BTBD7: variants seen among roughly 807,000 people sequenced by gnomAD.
BTBD7 encodes BTB domain containing 7.
In BTBD7, 38 loss-of-function variants were observed where a neutral mutation model predicts 99.9. That is an observed-to-expected ratio of 0.38 (90% CI 0.29 to 0.50). The LOEUF (loss-of-function observed/expected upper bound fraction) is 0.50, where lower values mean the gene tolerates loss of function less well. Among genes scored for constraint, BTBD7 ranks in the 20% least tolerant of loss-of-function variants. The pLI, the probability that BTBD7 is intolerant of heterozygous loss-of-function variation, is 0.93. For missense variants in BTBD7, 1,170 were observed against 1,394.6 expected (o/e 0.84, Z 2.57); for synonymous variants, 520 against 511.4 (o/e 1.02, Z -0.23).
At chr14:93,292,928 C>T (rs376651005) in intron 3 of BTBD7, among the ~76,000 whole-genome samples, 32 of 152,156 alleles carry the variant, frequency 2.1e-4, no homozygotes, top group African/African-American at 5.8e-4. Flanking sequence ...ACTTAGCTTT[C>T]CTTATTTAAA....
chr14:93,332,853 TG>T lies in BTBD7; in HGVS notation c.-141del. 1 of 1,476,744 alleles carries T rather than the reference TG, an allele frequency of 6.8e-7. No homozygotes were observed. The highest frequency in any genetic ancestry group is 8.9e-7 in the Non-Finnish European group (1 of 1,119,980). The allele number at this position is 1,476,744 out of a possible 1,614,324, so 91.5% of individuals were successfully genotyped here. ...CTCCTCCCGCCGCTGCTGCTGCCGC[TG>T]GGACCGCTGCCGTCGCCTCCGCCGC... On this transcript the variant is annotated 5_prime_UTR_variant, in exon 1 of 11. It introduces an in-frame stop codon into an upstream open reading frame of the 5' UTR. Transcript: ENST00000334746.
At chr14:93,244,547 G>A (rs532964431) in intron 10 of BTBD7, among the ~76,000 whole-genome samples, 35 of 152,308 alleles carry the variant, frequency 2.3e-4, no homozygotes, top group Non-Finnish European at 3.8e-4. Context: ...TACTCAGGAG[G>A]CTGAGGCAGG....
At chr14:93,290,691 T>C (rs1418454912) in intron 3 of BTBD7, among the ~76,000 whole-genome samples, 1 of 151,100 alleles carries the variant, frequency 6.6e-6, no homozygotes, top group Non-Finnish European at 1.5e-5. Flanking sequence ...CTAAATTTTT[T>C]TGTATTTTTA....
At chr14:93,306,372 C>T (rs1172747439) in intron 1 of BTBD7, among the ~76,000 whole-genome samples, 2 of 149,848 alleles carry the variant, frequency 1.3e-5, no homozygotes, top group East Asian at 4.0e-4. Flanking sequence ...CTTTGGGAGG[C>T]TAAGGAGGAT....
chr14:93,251,115 C>T (rs1224582032), intron 8 of BTBD7, among the ~76,000 whole-genome samples: 2 of 152,164 alleles, frequency 1.3e-5, no homozygotes. Context: ...TGCATGCATG[C>T]ACATATGTGC....
chr14:93,293,920 G>A lies in BTBD7; in HGVS notation c.1100C>T (p.Ala367Val), dbSNP rs755038163. 8 of 1,613,634 alleles carry A rather than the reference G, an allele frequency of 5.0e-6. No homozygotes were observed. The South Asian group carries it at 5.5e-5, about 11-fold the overall frequency. Residue 367 changes from alanine to valine, a missense_variant, in exon 3 of 11, where the codon GCA becomes GTA. Ala to Val is a moderately conservative substitution (Grantham distance 64, BLOSUM62 0). Around this residue, in one of 4 missense-constraint regions of BTBD7, gnomAD observed 359 missense variants for 497.9 expected, o/e 0.72. Transcript: ENST00000334746. ...GTGGTAAAGTTCCATGGCTTCTTCT[G>A]CCCTGGTCATGTTTGGCTTCCCTGC... is the stretch of plus-strand genomic sequence containing the variant. ...LVAGKPNMTR[A>V]EEAMELYHIA...
intron 1 of BTBD7, among the ~76,000 whole-genome samples, chr14:93,315,202 T>C (rs575206909): frequency 1.3e-3 from 192 of 152,304 alleles, no homozygotes; most frequent in African/African-American, 4.3e-3. Context: ...AATTAGAGTA[T>C]GTGGGTAAAT....
intron 10 of BTBD7, among the ~76,000 whole-genome samples, chr14:93,245,502 G>A (rs2052293923): frequency 6.6e-6 from 1 of 152,232 alleles, no homozygotes; most frequent in African/African-American, 2.4e-5. Flanking sequence ...TTGTAGACCT[G>A]TGCTTGAACA....
Position 93,261,902 on chromosome 14 carries a change from A to T in BTBD7, c.1372-225T>A, listed in dbSNP as rs145924231. 3.5e-3 allele frequency among the ~76,000 whole-genome samples: 534 copies of T among 152,112 alleles called. 12 individuals carry two copies. The South Asian group carries it at 0.052, about 15-fold the overall frequency. ...AGTAACCTCAATCTTGGCTCCAACT[A>T]ATTTTTAAATTTCATTTCTATCTTC... On this transcript the variant is annotated intron_variant, in intron 4 of 10. Coordinates refer to ENST00000334746, the MANE Select transcript of BTBD7 (RefSeq NM_001002860.4).
At chr14:93,310,318 GTTT>G (rs1295754615) in intron 1 of BTBD7, among the ~76,000 whole-genome samples, 2 of 152,110 alleles carry the variant, frequency 1.3e-5, no homozygotes, top group Admixed American at 6.5e-5. Flanking sequence ...TTCTCAAATT[GTTT>G]TTTCTTTGTT....
rs143930046 is a variant in BTBD7, at chr14:93,284,680, A to G, written c.1162+9178T>C. On this transcript the variant is annotated intron_variant, in intron 3 of 10. Coordinates refer to ENST00000334746, the MANE Select transcript of BTBD7 (RefSeq NM_001002860.4). ...GTAATTTCAAAACAAGTCAGAAGAT[A>G]TAAAACCCTAAGAACAATAAAAAGT... Among the ~76,000 whole-genome samples, 1,441 of 152,324 alleles carry G rather than the reference A, an allele frequency of 9.5e-3. 8 individuals carry two copies. Among genetic ancestry groups the G allele is most frequent in the Middle Eastern group, 0.041 (12 of 294 alleles).
chr14:93,303,574 A>T (rs1358262542), intron 1 of BTBD7, among the ~76,000 whole-genome samples: 2 of 152,282 alleles, frequency 1.3e-5, no homozygotes, highest in Non-Finnish European at 2.9e-5. Context: ...GGACTAGACG[A>T]ACTACATCTT....
intron 1 of BTBD7, among the ~76,000 whole-genome samples, chr14:93,322,414 C>G (rs1213584312): frequency 6.6e-6 from 1 of 152,116 alleles, no homozygotes; most frequent in Non-Finnish European, 1.5e-5. Context: ...CCACTAAAAC[C>G]CAGCCTGCTT....
At chr14:93,272,100 C>A (rs2052607113) in intron 3 of BTBD7, among the ~76,000 whole-genome samples, 3 of 152,060 alleles carry the variant, frequency 2.0e-5, no homozygotes, top group Non-Finnish European at 4.4e-5. Context: ...GGGCGGATCA[C>A]CAGGTCAGGA....
intron 3 of BTBD7, among the ~76,000 whole-genome samples, chr14:93,273,582 T>C (rs1224524064): frequency 2.6e-5 from 4 of 152,218 alleles, no homozygotes; most frequent in African/African-American, 7.2e-5. Flanking sequence ...ATGGGGATAT[T>C]TGGTTGGCTT....
rs1409050390 is a variant in BTBD7, at chr14:93,240,661, T to C, written c.*1612A>G. ...CTGTGTGTTTATGTGTTTGTAAAAATACAAAGTAAATGCTCAAATAATGTT... is the reference window on the plus strand; with the variant it reads ...CTGTGTGTTTATGTGTTTGTAAAAACACAAAGTAAATGCTCAAATAATGTT... On this transcript the variant is annotated 3_prime_UTR_variant, in exon 11 of 11. Coordinates refer to ENST00000334746, the MANE Select transcript of BTBD7 (RefSeq NM_001002860.4). 3.3e-5 allele frequency: 5 copies of C among 152,570 alleles called. No individual in the cohort carries two copies. The highest frequency in any genetic ancestry group is 9.7e-5 in the African/African-American group (4 of 41,434). The allele number at this position is 152,570 out of a possible 1,614,324, so 9.5% of individuals were successfully genotyped here.
chr14:93,275,923 AAT>A (rs1258319910), intron 3 of BTBD7, among the ~76,000 whole-genome samples: 3 of 152,188 alleles, frequency 2.0e-5, no homozygotes, highest in Admixed American at 2.0e-4. Context: ...TGTCCGTTTT[AAT>A]AGTCTTGGCC....
chr14:93,296,346 T>TA (rs1220615316), intron 1 of BTBD7, among the ~76,000 whole-genome samples, 189 bp from the exon 2 acceptor site: 1 of 152,204 alleles, frequency 6.6e-6, no homozygotes, highest in East Asian at 1.9e-4. Flanking sequence ...ATTTGAGCCA[T>TA]AAAATGTACC....
chr14:93,325,834 TAA>T (rs2053324550), intron 1 of BTBD7, among the ~76,000 whole-genome samples: 1 of 152,194 alleles, frequency 6.6e-6, no homozygotes, highest in Non-Finnish European at 1.5e-5. Context: ...TGTATTGGAT[TAA>T]AGTGTTTCCT....
Sources: gnomAD v4.1 joint callset for allele counts (sites outside exome capture counted in the v4.1 genomes callset) on GRCh38, gnomAD v4.1.1 for gene constraint, gnomAD v4.1.1 regional missense constraint, MANE v1.5 for transcripts, NCBI Gene and HGNC (gene_info 2026-07-23, HGNC 2026-07-21) for gene names.